DENND4A: variants seen among roughly 807,000 people sequenced by gnomAD.
The protein encoded by DENND4A is C-myc promoter-binding protein.
In DENND4A, 70 loss-of-function variants were observed where a neutral mutation model predicts 199.3. That is an observed-to-expected ratio of 0.35 (90% CI 0.29 to 0.43). The LOEUF is 0.43. Ranked by LOEUF, DENND4A falls within the 20% of genes least tolerant of loss-of-function variation. The probability of loss-of-function intolerance (pLI) is 1.00; values close to 1 mark genes in which losing one functional copy is unlikely to be tolerated. For synonymous variants in DENND4A, 686 were observed against 766.9 expected (o/e 0.89, Z 1.74); for missense variants, 1,723 against 2,255.8 (o/e 0.76, Z 4.78).
At chr15:65,771,097 T>A in intron 1 of DENND4A, 2 of 1,356,558 alleles carry the variant, frequency 1.5e-6, no homozygotes, top group Non-Finnish European at 2.0e-6. Flanking sequence ...TTTCCCTTCA[T>A]CTCTCATGAT....
chr15:65,781,185 T>G (rs558368791), intron 1 of DENND4A, among the ~76,000 whole-genome samples: 3 of 152,238 alleles, frequency 2.0e-5, no homozygotes, highest in African/African-American at 7.2e-5. Context: ...TCAGCAAATC[T>G]TCAAAAAGTA....
intron 1 of DENND4A, among the ~76,000 whole-genome samples, chr15:65,784,153 AAAC>A (rs2077505134): frequency 1.3e-5 from 2 of 152,148 alleles, no homozygotes; most frequent in Admixed American, 6.5e-5. Flanking sequence ...AGACAAACCC[AAAC>A]TGAGGGACAT....
intron 4 of DENND4A, among the ~76,000 whole-genome samples, chr15:65,749,742 A>C (rs568055064): frequency 6.6e-6 from 1 of 152,340 alleles, no homozygotes; most frequent in East Asian, 1.9e-4. Context: ...TTAAAAAGTC[A>C]ATAATTGGTA....
At chr15:65,747,892 T>C (rs1247924117) in intron 4 of DENND4A, among the ~76,000 whole-genome samples, 1 of 151,004 alleles carries the variant, frequency 6.6e-6, no homozygotes, top group Admixed American at 6.6e-5. Flanking sequence ...TATACAAAAA[T>C]AGTCAGGCGT....
intron 15 of DENND4A, 142 bp downstream of exon 15, chr15:65,705,949 G>A (rs938804761): frequency 1.6e-6 from 2 of 1,279,304 alleles, no homozygotes; most frequent in African/African-American, 3.1e-5. Context: ...AATAATGGAT[G>A]TGGGATAAGC....
At chr15:65,746,393 T>TTTTTTTTTTTTTTTTTTTTTTC (rs2076397274) in intron 4 of DENND4A, among the ~76,000 whole-genome samples, 1 of 126,142 alleles carries the variant, frequency 7.9e-6, no homozygotes, top group Non-Finnish European at 1.7e-5. Flanking sequence ...TTTTTTTTTT[T>TTTTTTTTTTTTTTTTTTTTTTC]TTTTTTTTTT....
At chr15:65,682,170 G>A (rs765421358) in intron 23 of DENND4A, among the ~76,000 whole-genome samples, 1 of 152,114 alleles carries the variant, frequency 6.6e-6, no homozygotes, top group African/African-American at 2.4e-5. Flanking sequence ...AAGCCTGGAC[G>A]CCGGACACTG....
chr15:65,660,576 CAAAG>C lies in DENND4A; in HGVS notation c.*1271_*1274del. 2.7e-6 allele frequency: 1 copy of C among 369,062 alleles called. No homozygotes were observed. 22.9% of individuals were successfully genotyped at this position (369,062 alleles called of 1,614,324 possible). A position where few individuals can be genotyped will look rare whatever the true frequency, so the allele number is the denominator to read the frequency against. On this transcript the variant is annotated 3_prime_UTR_variant, in exon 33 of 33. Coordinates refer to ENST00000443035, the MANE Select transcript of DENND4A (RefSeq NM_001320835.1). ...ATGTTTTTCCTTACCAGAAATTACC[CAAAG>C]AAAGTTACATTAGAAATAATATGAC... is the stretch of plus-strand genomic sequence containing the variant.
intron 23 of DENND4A, among the ~76,000 whole-genome samples, chr15:65,687,769 T>A (rs2076840740): frequency 6.6e-6 from 1 of 151,140 alleles, no homozygotes; most frequent in Non-Finnish European, 1.5e-5. Flanking sequence ...AATAATTTTT[T>A]AACAGCTTTC....
At chr15:65,768,737 C>A (rs953746757) in intron 1 of DENND4A, among the ~76,000 whole-genome samples, 8 of 151,968 alleles carry the variant, frequency 5.3e-5, no homozygotes, top group Non-Finnish European at 1.0e-4. Flanking sequence ...AATCCCAGCA[C>A]TTTGGGAGGC....
intron 23 of DENND4A, among the ~76,000 whole-genome samples, chr15:65,685,702 G>A (rs1424222274): frequency 6.6e-6 from 1 of 152,208 alleles, no homozygotes; most frequent in Non-Finnish European, 1.5e-5. Flanking sequence ...TGAATCCATG[G>A]AAGCAGAACT....
chr15:65,744,907 C>T (rs1024502099), intron 4 of DENND4A, among the ~76,000 whole-genome samples: 4 of 152,036 alleles, frequency 2.6e-5, no homozygotes, highest in East Asian at 1.9e-4. Context: ...TTAAAGGTAA[C>T]GACTAAAACT....
At chr15:65,706,859 G>A (rs1436822570) in intron 14 of DENND4A, among the ~76,000 whole-genome samples, 6 of 152,124 alleles carry the variant, frequency 3.9e-5, no homozygotes, top group African/African-American at 1.4e-4. Flanking sequence ...ACCTATATGA[G>A]GAAGAGGAAA....
intron 23 of DENND4A, among the ~76,000 whole-genome samples, chr15:65,682,500 C>A (rs139563493): frequency 6.6e-6 from 1 of 152,144 alleles, no homozygotes; most frequent in Non-Finnish European, 1.5e-5. Context: ...CTGGATTAGG[C>A]TTTAGCTTAA....
At position 65,756,429 on chromosome 15, in the gene DENND4A, G is replaced by T. The variant is rs773874586; in HGVS notation, c.22C>A (p.Arg8Ser). 1 of 1,609,482 alleles carries T rather than the reference G, an allele frequency of 6.2e-7. No individual in the cohort carries two copies. Among genetic ancestry groups the T allele is most frequent in the Non-Finnish European group, 8.5e-7 (1 of 1,178,222 alleles). Residue 8 changes from arginine (R) to serine (S), a missense_variant, in exon 3 of 33, where the codon CGT (arginine) becomes AGT (serine). Coordinates refer to ENST00000443035, the MANE Select transcript of DENND4A (RefSeq NM_001320835.1). ...GCTACAACAAAGTAGTCAGCAACACGAGGCCCCTTGTCTTCAATCATCTTC... is the reference window on the plus strand; with the variant it reads ...GCTACAACAAAGTAGTCAGCAACACTAGGCCCCTTGTCTTCAATCATCTTC... MIEDKGP[R>S]VADYFVVAGL...
rs752574715 is a variant in DENND4A at position 65,665,534 on chromosome 15, TATAA to T, written c.5242-76_5242-73del. The T allele has an allele frequency of 3.3e-6, 4 of 1,208,590 alleles. No homozygotes were observed. The South Asian group carries it at 5.2e-5, about 16-fold the overall frequency. 74.9% of individuals were successfully genotyped at this position (1,208,590 alleles called of 1,614,324 possible). On this transcript the variant is annotated intron_variant, in intron 29 of 32. Transcript: ENST00000443035. The stretch of plus-strand genomic sequence containing the variant: ...TTTCATAAGTATTTTATAAAATTCT[TATAA>T]ATATTTTTTAGGATGTATATGTGCG...
At chr15:65,742,939 A>G (rs2076297626) in intron 4 of DENND4A, among the ~76,000 whole-genome samples, 1 of 152,212 alleles carries the variant, frequency 6.6e-6, no homozygotes, top group Non-Finnish European at 1.5e-5. Flanking sequence ...AATAAGGGTA[A>G]AATAGTTTTA....
chr15:65,733,265 C>T (rs1449726056), intron 7 of DENND4A, among the ~76,000 whole-genome samples: 3 of 151,918 alleles, frequency 2.0e-5, no homozygotes, highest in Non-Finnish European at 2.9e-5. Flanking sequence ...ATTAATAATA[C>T]GTTAAAAATT....
intron 1 of DENND4A, among the ~76,000 whole-genome samples, chr15:65,770,342 G>T (rs2077096500): frequency 6.6e-6 from 1 of 152,018 alleles, no homozygotes; most frequent in Admixed American, 6.6e-5. Context: ...GCCCTTCAAG[G>T]ACATACACAT....
Sources: allele counts gnomAD v4.1 joint callset (sites outside exome capture counted in the v4.1 genomes callset), GRCh38; gene constraint gnomAD v4.1.1; transcripts MANE v1.5; gene names NCBI Gene and HGNC (gene_info 2026-07-23, HGNC 2026-07-21).